GATA4: variants seen among roughly 807,000 people sequenced by gnomAD.
The protein encoded by GATA4 is transcription factor GATA-4.
A neutral mutation model predicts 37.9 loss-of-function variants in GATA4; 7 were observed. The observed-to-expected ratio is 0.18, with a 90% CI of 0.11 to 0.35. The LOEUF (loss-of-function observed/expected upper bound fraction) is 0.35. GATA4 is among the 10% of genes least tolerant of loss of function. The pLI is 1.00. For missense variants in GATA4, 647 were observed against 653.0 expected (o/e 0.99, Z 0.10); for synonymous variants, 372 against 292.6 (o/e 1.27, Z -2.77).
chr8:11,741,287 G>A (rs1268133835), intron 2 of GATA4, among the ~76,000 whole-genome samples: 1 of 152,044 alleles, frequency 6.6e-6, no homozygotes, highest in African/African-American at 2.4e-5. Flanking sequence ...AGATCAGCCT[G>A]GGCAACATAG....
upstream of GATA4, among the ~76,000 whole-genome samples, chr8:11,701,046 C>G (rs1799657958): frequency 1.3e-5 from 2 of 152,196 alleles, no homozygotes; most frequent in African/African-American, 2.4e-5. Flanking sequence ...TTAGATTGCT[C>G]TGTACACAAT....
chr8:11,707,866 G>A lies in GATA4; in HGVS notation c.-447G>A, dbSNP rs1053639693. The A allele has an allele frequency of 5.2e-5, 13 of 248,962 alleles. No homozygotes were observed. Among genetic ancestry groups the A allele is most frequent in the Non-Finnish European group, 8.7e-5 (11 of 126,444 alleles). The allele number at this position is 248,962 out of a possible 1,614,324, so 15.4% of individuals were successfully genotyped here. ...TCGTTCCTCTTTTAGGACCCCGGCTGCGGCGAGGAGGAAGGAGCCAGCCTA... is the reference window on the plus strand; with the variant it reads ...TCGTTCCTCTTTTAGGACCCCGGCTACGGCGAGGAGGAAGGAGCCAGCCTA... On this transcript the variant is annotated 5_prime_UTR_variant, in exon 2 of 7. Coordinates refer to ENST00000532059, the MANE Select transcript of GATA4 (RefSeq NM_001308093.3). The surrounding 1 kb of genome is among the most constrained non-coding windows in gnomAD (Gnocchi z 4.7).
At chr8:11,700,288 A>C (rs753336622), upstream of GATA4, among the ~76,000 whole-genome samples, 12 of 152,250 alleles carry the variant, frequency 7.9e-5, no homozygotes, top group Non-Finnish European at 1.6e-4. Context: ...TTTGCAACCC[A>C]GAGTAGTAAT....
At chr8:11,710,807 G>A (rs1338354318) in intron 2 of GATA4, among the ~76,000 whole-genome samples, 1 of 151,594 alleles carries the variant, frequency 6.6e-6, no homozygotes, top group Non-Finnish European at 1.5e-5. Flanking sequence ...TAAAAGTCAT[G>A]AGTTACATCC....
rs118139157 is a variant in GATA4, at chr8:11,749,581, C to A, written c.786+496C>A. On this transcript the variant is annotated intron_variant, in intron 3 of 6. Transcript: ENST00000532059. The surrounding 1 kb of genome is among the most constrained non-coding windows in gnomAD (Gnocchi z 4.6). Reference sequence around the variant, plus strand: ...AGAGTTTGGGCCTGGGGCTTGGCTCCTGGCTTCCTGCTCCTTTTTAATATA... The same window carrying A: ...AGAGTTTGGGCCTGGGGCTTGGCTCATGGCTTCCTGCTCCTTTTTAATATA... Among the ~76,000 whole-genome samples, 485 of 152,342 alleles carry A rather than the reference C, an allele frequency of 3.2e-3. 3 individuals are homozygous for A. Among genetic ancestry groups the A allele is most frequent in the Non-Finnish European group, 5.6e-3 (382 of 68,032 alleles).
intron 2 of GATA4, 32 bp from the exon 3 acceptor site, chr8:11,748,882 CTG>C (rs779300447): frequency 2.5e-6 from 4 of 1,609,462 alleles, no homozygotes; most frequent in Non-Finnish European, 3.4e-6. Flanking sequence ...AATTAATCCT[CTG>C]TGTCTTTTCT....
rs1800030978 is a variant in GATA4, at chr8:11,708,905, C to T, written c.593C>T (p.Pro198Leu). ...VLHSLPGRAN[P>L]AARHPNLVDM... ...CACAGCCTGCCCGGCCGGGCCAACC[C>T]GGCCGCCCGACACCCCAATCTCGGT... Residue 198 changes from proline (P) to leucine (L), a missense_variant, in exon 2 of 7, where the codon CCG (proline) becomes CTG (leucine). This residue lies in a region of GATA4 where 379 missense variants were observed against 334.5 expected (regional missense o/e 1.13). Transcript: ENST00000532059. The surrounding 1 kb of genome is among the most constrained non-coding windows in gnomAD (Gnocchi z 6.7). The T allele has an allele frequency of 6.5e-7, 1 of 1,527,984 alleles. No individual in the cohort carries two copies. The highest frequency in any genetic ancestry group is 8.7e-7 in the Non-Finnish European group (1 of 1,143,810). 94.7% of individuals were successfully genotyped at this position (1,527,984 alleles called of 1,614,324 possible). A position where few individuals can be genotyped will look rare whatever the true frequency, so the allele number is the denominator to read the frequency against.
intron 4 of GATA4, among the ~76,000 whole-genome samples, chr8:11,752,745 G>A (rs1802363889): frequency 6.6e-6 from 1 of 152,196 alleles, no homozygotes; most frequent in South Asian, 2.1e-4. Context: ...GAGTGAGAGG[G>A]CTGTTGTTAA....
At chr8:11,734,499 T>C (rs1563217014) in intron 2 of GATA4, among the ~76,000 whole-genome samples, 1 of 152,174 alleles carries the variant, frequency 6.6e-6, no homozygotes, top group Admixed American at 6.6e-5. Flanking sequence ...TCTTTTCTTT[T>C]TTTTGAGGCA....
upstream of GATA4, among the ~76,000 whole-genome samples, chr8:11,702,762 C>G (rs1264066275): frequency 2.6e-5 from 4 of 152,104 alleles, no homozygotes; most frequent in Non-Finnish European, 5.9e-5. The surrounding 1 kb of genome is among the most constrained non-coding windows in gnomAD (Gnocchi z 4.4). Flanking sequence ...GGGCGGCTGC[C>G]GTGCGTCCAG....
chr8:11,710,937 C>T (rs142433129), intron 2 of GATA4, among the ~76,000 whole-genome samples: 1 of 152,042 alleles, frequency 6.6e-6, no homozygotes, highest in African/African-American at 2.4e-5. Flanking sequence ...ATGGTGAAAC[C>T]CCATCTCTAC....
At chr8:11,690,442 G>C (rs1204812640), upstream of GATA4, among the ~76,000 whole-genome samples, 2 of 152,226 alleles carry the variant, frequency 1.3e-5, no homozygotes, top group African/African-American at 2.4e-5. Flanking sequence ...ATTTTGGAGA[G>C]AGAGGTATAT....
chr8:11,709,524 G>A lies in GATA4; in HGVS notation c.616+596G>A, dbSNP rs1485598931. On this transcript the variant is annotated intron_variant, in intron 2 of 6. Transcript: ENST00000532059. This position sits in a 1 kb window ranked among gnomAD's most constrained non-coding sequence, Gnocchi z 4.3. ...GGGGAGATGCGCGGAACAGGAGCCG[G>A]CACTGTGCGGGTGCCACCCGGCCGA... Among the ~76,000 whole-genome samples, 1 of 148,332 alleles carries A rather than the reference G, an allele frequency of 6.7e-6. No homozygotes were observed. The highest frequency in any genetic ancestry group is 1.5e-5 in the Non-Finnish European group (1 of 67,048).
intron 1 of GATA4, chr8:11,693,155 C>G: frequency 2.3e-6 from 2 of 882,370 alleles, no homozygotes; most frequent in Non-Finnish European, 2.7e-6. Context: ...TCCTAAAGAG[C>G]TGTAAGGAAG....
intron 2 of GATA4, among the ~76,000 whole-genome samples, chr8:11,742,659 G>C (rs1411838616): frequency 6.6e-6 from 1 of 152,238 alleles, no homozygotes; most frequent in Non-Finnish European, 1.5e-5. Flanking sequence ...GGAGCTGTGT[G>C]GGCCTCCCCG....
At chr8:11,721,942 C>G (rs1314994557) in intron 2 of GATA4, among the ~76,000 whole-genome samples, 1 of 152,196 alleles carries the variant, frequency 6.6e-6, no homozygotes, top group Non-Finnish European at 1.5e-5. Context: ...CTTTCTTTCT[C>G]ATTTGAACCT....
At chr8:11,727,040 G>A (rs34960871) in intron 2 of GATA4, among the ~76,000 whole-genome samples, 12,039 of 152,188 alleles carry the variant, frequency 0.079, 695 homozygotes, top group Non-Finnish European at 0.12. Flanking sequence ...GAGGCACCAG[G>A]AGAGCTGTGC....
intron 5 of GATA4, among the ~76,000 whole-genome samples, chr8:11,755,767 G>C (rs1356922091): frequency 6.6e-6 from 1 of 151,912 alleles, no homozygotes; most frequent in Non-Finnish European, 1.5e-5. Context: ...TTCTGCTTCT[G>C]GGTCAATGTT....
rs1326304521 is a variant in GATA4 at position 11,708,517 on chromosome 8, G to T, written c.205G>T (p.Gly69Cys). Residue 69 changes from glycine to cysteine, a missense_variant, in exon 2 of 7, where the codon GGC (glycine) becomes TGC (cysteine). By Grantham distance (159) the Gly-to-Cys change is radical. This residue lies in a region of GATA4 where 379 missense variants were observed against 334.5 expected (regional missense o/e 1.13). Coordinates refer to ENST00000532059, the MANE Select transcript of GATA4 (RefSeq NM_001308093.3). The surrounding 1 kb of genome is among the most constrained non-coding windows in gnomAD (Gnocchi z 6.7). Reference sequence around the variant, plus strand: ...CTCTGCGTCCGGAGGCGCCTCGGGCGGCAGCTCCGGTGGGGCCGCGTCTGG... The same window carrying T: ...CTCTGCGTCCGGAGGCGCCTCGGGCTGCAGCTCCGGTGGGGCCGCGTCTGG... ...AGSASGGASG[G>C]SSGGAASGAG... is the part of the protein sequence containing the mutation. 9 of 1,468,352 alleles carry T rather than the reference G, an allele frequency of 6.1e-6. No individual in the cohort carries two copies. In the East Asian group the frequency reaches 1.4e-4, roughly 23 times the overall value. 91.0% of individuals were successfully genotyped at this position (1,468,352 alleles called of 1,614,324 possible).
Sources: gnomAD v4.1 joint callset for allele counts (sites outside exome capture counted in the v4.1 genomes callset) on GRCh38, gnomAD v4.1.1 for gene constraint, gnomAD v4.1.1 regional missense constraint, Gnocchi (gnomAD v3.1) non-coding constraint, MANE v1.5 for transcripts, NCBI Gene and HGNC (gene_info 2026-07-23, HGNC 2026-07-21) for gene names.